Variants in MYOM1 observed in about 807,000 individuals in gnomAD.
The protein encoded by MYOM1 is myomesin-1.
A neutral mutation model predicts 205.3 loss-of-function variants in MYOM1; 164 were observed. That is an observed-to-expected ratio of 0.80 (90% CI 0.70 to 0.91). MYOM1 has a LOEUF of 0.91. Ranked by LOEUF, MYOM1 falls within the 40% of genes least tolerant of loss-of-function variation. The pLI is 0.00. For synonymous variants in MYOM1, 772 were observed against 789.4 expected (o/e 0.98, Z 0.37); for missense variants, 2,011 against 2,127.3 (o/e 0.95, Z 1.08).
At chr18:3,195,155 C>T (rs117561048) in intron 2 of MYOM1, among the ~76,000 whole-genome samples, 1,841 of 152,250 alleles carry the variant, frequency 0.012, 13 homozygotes, top group Middle Eastern at 0.027. Flanking sequence ...GGATATATGA[C>T]GATGCGAGAA....
chr18:3,182,601 C>G (rs1330636062), intron 5 of MYOM1, among the ~76,000 whole-genome samples: 1 of 152,136 alleles, frequency 6.6e-6, no homozygotes, highest in Non-Finnish European at 1.5e-5. Context: ...TGGTAACTTC[C>G]TAGAACTTTT....
At chr18:3,084,101 C>T in intron 31 of MYOM1, 74 bp from the exon 32 acceptor site, 3 of 1,491,036 alleles carry the variant, frequency 2.0e-6, no homozygotes, top group African/African-American at 1.4e-5. Flanking sequence ...AAATTCTTAG[C>T]TCTCAAAAAT....
chr18:3,210,254 G>C (rs1040608937), intron 2 of MYOM1, among the ~76,000 whole-genome samples: 7 of 152,226 alleles, frequency 4.6e-5, no homozygotes, highest in African/African-American at 1.7e-4. Flanking sequence ...TCTCTGCTGT[G>C]TTTGGTCGTC....
chr18:3,135,643 C>T lies in MYOM1; in HGVS notation c.2113G>A (p.Gly705Arg), dbSNP rs765424471. 2.5e-6 allele frequency: 4 copies of T among 1,613,928 alleles called. No individual in the cohort carries two copies. The highest frequency in any genetic ancestry group is 2.5e-6 in the Non-Finnish European group (3 of 1,179,884). Residue 705 changes from glycine (G) to arginine (R), a missense_variant, in exon 15 of 38, where the codon GGG (glycine) becomes AGG (arginine). Physicochemically the swap from Gly to Arg is moderately radical, Grantham distance 125. Transcript: ENST00000356443. The surrounding 1 kb of genome is among the most constrained non-coding windows in gnomAD (Gnocchi z 4.1). Reference sequence around the variant, plus strand: ...CGGACACGGAAACAGTAGGATTTCCCCTCGGCCAAGTCAAACAGAGCAAAG... The same window carrying T: ...CGGACACGGAAACAGTAGGATTTCCTCTCGGCCAAGTCAAACAGAGCAAAG... ...PRFALFDLAE[G>R]KSYCFRVRCS...
At chr18:3,136,150 T>C (rs553575940) in intron 14 of MYOM1, among the ~76,000 whole-genome samples, 2 of 152,070 alleles carry the variant, frequency 1.3e-5, no homozygotes, top group African/African-American at 4.8e-5. Context: ...GTGTAAGACG[T>C]GCCTTTCGCC....
chr18:3,148,337 TACAC>T (rs1281825934), intron 13 of MYOM1, among the ~76,000 whole-genome samples: 2 of 152,210 alleles, frequency 1.3e-5, no homozygotes, highest in Non-Finnish European at 2.9e-5. Flanking sequence ...AACGAATTGA[TACAC>T]ACACCAACGT....
intron 2 of MYOM1, among the ~76,000 whole-genome samples, chr18:3,197,688 A>G (rs926426916): frequency 4.0e-5 from 6 of 151,892 alleles, no homozygotes; most frequent in African/African-American, 9.7e-5. Context: ...CCTAGCTAAC[A>G]TGGTGAAACC....
Position 3,086,138 on chromosome 18 carries a change from T to C in MYOM1, c.4151A>G (p.Lys1384Arg), listed in dbSNP as rs774407666. The C allele has an allele frequency of 3.1e-6, 5 of 1,594,892 alleles. No individual in the cohort carries two copies. Among genetic ancestry groups the C allele is most frequent in the East Asian group, 4.5e-5 (2 of 44,658 alleles). Residue 1384 changes from lysine to arginine, a missense_variant, in exon 30 of 38, where the codon AAG becomes AGG. Physicochemically the swap from Lys to Arg is conservative, Grantham distance 26 (BLOSUM62 2). Transcript: ENST00000356443. Reference protein sequence around the residue: ...VLLKCKVANIKKETHIVWYKD... With the variant: ...VLLKCKVANIRKETHIVWYKD... ...GTACCACACAATATGAGTCTCCTTC[T>C]TAATATTTGCCACCTAGGAGAAAAA...
chr18:3,074,716 G>A (rs2079000956), intron 36 of MYOM1, among the ~76,000 whole-genome samples: 1 of 152,194 alleles, frequency 6.6e-6, no homozygotes, highest in African/African-American at 2.4e-5. Flanking sequence ...TTATCTCGCA[G>A]GGGCTCCCAG....
At chr18:3,075,586 A>G in intron 35 of MYOM1, 110 bp from the exon 36 acceptor site, 1 of 1,436,226 alleles carries the variant, frequency 7.0e-7, no homozygotes, top group Non-Finnish European at 9.8e-7. Flanking sequence ...TTGCTGTTCA[A>G]TATAACAATG....
intron 31 of MYOM1, 70 bp from the exon 32 acceptor site, chr18:3,084,097 T>G (rs2079122143): frequency 6.7e-7 from 1 of 1,503,232 alleles, no homozygotes; most frequent in Non-Finnish European, 9.1e-7. Context: ...TCTCAAATTC[T>G]TAGCTCTCAA....
chr18:3,148,737 T>A (rs2080168466), intron 13 of MYOM1, among the ~76,000 whole-genome samples: 1 of 149,514 alleles, frequency 6.7e-6, no homozygotes, highest in Admixed American at 6.7e-5. Context: ...TCCCAGCTGC[T>A]CGGGAGGCTG....
In MYOM1 at chr18:3,070,739, TGTGTGTG is replaced by T. The variant is rs2078949688; in HGVS notation, c.4764+1088_4764+1094del. Among the ~76,000 whole-genome samples, 3 of 36,362 alleles carry T rather than the reference TGTGTGTG, an allele frequency of 8.3e-5. No homozygotes were observed. The South Asian group carries it at 2.5e-3, about 30-fold the overall frequency. 23.9% of individuals were successfully genotyped at this position (36,362 alleles called of 152,430 possible). ...AGAAACCAGAGGTGCATGTTCTTTG[TGTGTGTG>T]TGTGTGTGTGTGTGTGTGTGTGTGT... On this transcript the variant is annotated intron_variant, in intron 37 of 37. Coordinates refer to ENST00000356443, the MANE Select transcript of MYOM1 (RefSeq NM_003803.4).
Position 3,094,254 on chromosome 18 carries a change from G to C in MYOM1, c.3780C>G (p.Val1260=). The C allele has an allele frequency of 6.2e-7, 1 of 1,613,798 alleles. No homozygotes were observed. Among genetic ancestry groups the C allele is most frequent in the Non-Finnish European group, 8.5e-7 (1 of 1,179,818 alleles). ...LAVEILEKGQ[V]RFWMQAEKLS... is the part of the protein sequence containing the mutation. The stretch of plus-strand genomic sequence containing the variant: ...GTTTCTCAGCCTGCATCCAAAACCG[G>C]ACCTGGCCTTTCTCCAAAATTTCAA... Residue 1260 remains valine, a synonymous_variant, in exon 26 of 38, where the codon GTC becomes GTG. Coordinates refer to ENST00000356443, the MANE Select transcript of MYOM1 (RefSeq NM_003803.4).
At chr18:3,111,349 C>T (rs1330133229) in intron 22 of MYOM1, among the ~76,000 whole-genome samples, 2 of 151,278 alleles carry the variant, frequency 1.3e-5, no homozygotes, top group East Asian at 2.0e-4. Context: ...ATCTGAAACT[C>T]GTTGGACAAT....
chr18:3,166,356 C>T (rs368237046), intron 9 of MYOM1, among the ~76,000 whole-genome samples: 27 of 151,618 alleles, frequency 1.8e-4, no homozygotes, highest in African/African-American at 6.5e-4. Context: ...TTGCAACCTC[C>T]GCCTCCCGGG....
At chr18:3,125,425 T>A (rs2079764582) in intron 19 of MYOM1, among the ~76,000 whole-genome samples, 1 of 152,050 alleles carries the variant, frequency 6.6e-6, no homozygotes, top group Admixed American at 6.6e-5. Context: ...AAAGAATGAG[T>A]TATAGCCACA....
At position 3,156,601 on chromosome 18, in the gene MYOM1, C is replaced by CTTCT. The variant is rs536068761; in HGVS notation, c.1502-1517_1502-1514dup. 3.0e-4 allele frequency among the ~76,000 whole-genome samples: 46 copies of CTTCT among 150,874 alleles called. No homozygotes were observed. The South Asian group carries it at 8.5e-3, about 28-fold the overall frequency. ...AAATGAGCATTTTGATGAGGAGACA[C>CTTCT]TTCTTTCTTTTTTTTTTTTTTTGAG... On this transcript the variant is annotated intron_variant, in intron 10 of 37. Coordinates refer to ENST00000356443, the MANE Select transcript of MYOM1 (RefSeq NM_003803.4).
chr18:3,177,392 G>T (rs571307386), intron 5 of MYOM1, among the ~76,000 whole-genome samples: 73 of 151,500 alleles, frequency 4.8e-4, no homozygotes, highest in Admixed American at 9.2e-4. Flanking sequence ...TGTGTAGGAT[G>T]AGAGCAAAAC....
Sources: gnomAD v4.1 joint callset for allele counts (sites outside exome capture counted in the v4.1 genomes callset) on GRCh38, gnomAD v4.1.1 for gene constraint, Gnocchi (gnomAD v3.1) non-coding constraint, MANE v1.5 for transcripts, NCBI Gene and HGNC (gene_info 2026-07-23, HGNC 2026-07-21) for gene names.